Variants in SNRPD2 observed in about 807,000 individuals in gnomAD.
The protein encoded by SNRPD2 is small nuclear ribonucleoprotein Sm D2.
Under a neutral mutation model 11.5 loss-of-function variants are expected in SNRPD2, and 1 was observed. That is an observed-to-expected ratio of 0.09 (90% CI 0.03 to 0.41). The LOEUF is 0.41. Ranked by LOEUF, SNRPD2 falls within the 10% of genes least tolerant of loss-of-function variation. SNRPD2 has a pLI of 0.98. For missense variants in SNRPD2, 77 were observed against 154.9 expected, an observed-to-expected ratio of 0.50 and a Z score of 2.67; for synonymous variants, 63 against 61.5, an observed-to-expected ratio of 1.02 and a Z score of -0.12.
Position 45,691,904 on chromosome 19 carries a change from C to T in SNRPD2, c.-16G>A. ...GGCCTCACATGATGGTCACTACGCTCTCCGTTCACTCCCGTTTCCTCCGCG... is the reference window on the plus strand; with the variant it reads ...GGCCTCACATGATGGTCACTACGCTTTCCGTTCACTCCCGTTTCCTCCGCG... On this transcript the variant is annotated 5_prime_UTR_variant, in exon 1 of 3. Transcript: ENST00000342669. 3 of 1,614,194 alleles carry T rather than the reference C, an allele frequency of 1.9e-6. No individual in the cohort carries two copies. The highest frequency in any genetic ancestry group is 2.5e-6 in the Non-Finnish European group (3 of 1,180,022).
Position 45,687,796 on chromosome 19 carries a change from T to G in SNRPD2, c.183-69A>C. ...GCCTCTGACAGTGCCCCCTACTGCC[T>G]GCTGCTCGCCCCCTCCAGCAGCATG... On this transcript the variant is annotated intron_variant, in intron 2 of 2. Transcript: ENST00000342669. This position sits in a 1 kb window ranked among gnomAD's most constrained non-coding sequence, Gnocchi z 4.1. 1 of 1,290,804 alleles carries G rather than the reference T, an allele frequency of 7.7e-7. No homozygotes were observed. Among genetic ancestry groups the G allele is most frequent in the Non-Finnish European group, 1.1e-6 (1 of 900,754 alleles). 80.0% of individuals were successfully genotyped at this position (1,290,804 alleles called of 1,614,324 possible). A position where few individuals can be genotyped will look rare whatever the true frequency, so the allele number is the denominator to read the frequency against.
At chr19:45,691,566 C>G in intron 1 of SNRPD2, 1 of 280,386 alleles carries the variant, frequency 3.6e-6, no homozygotes. Flanking sequence ...AGACGGGGGT[C>G]TCGCTATGTT....
intron 1 of SNRPD2, 27 bp downstream of exon 1, chr19:45,691,860 C>T (rs766520398): frequency 1.1e-5 from 18 of 1,613,988 alleles, no homozygotes; most frequent in African/African-American, 4.0e-5. Context: ...ACCTCATTCC[C>T]GCCGCCTAAG....
Position 45,687,496 on chromosome 19 carries a change from A to G in SNRPD2, c.*57T>C. ...ACAGAGCTTTATTATTCTCAACACC[A>G]ATGGCAGCGGTCTTCATAGGACAGA... is the stretch of plus-strand genomic sequence containing the variant. On this transcript the variant is annotated 3_prime_UTR_variant, in exon 3 of 3. Transcript: ENST00000342669. The surrounding 1 kb of genome is among the most constrained non-coding windows in gnomAD (Gnocchi z 4.1). 2.7e-6 allele frequency: 4 copies of G among 1,476,250 alleles called. No homozygotes were observed. 91.4% of individuals were successfully genotyped at this position (1,476,250 alleles called of 1,614,324 possible).
At chr19:45,689,659 G>A (rs1396944250) in intron 1 of SNRPD2, among the ~76,000 whole-genome samples, 3 of 152,170 alleles carry the variant, frequency 2.0e-5, no homozygotes, top group Non-Finnish European at 4.4e-5. Flanking sequence ...TTGCAGTGAA[G>A]TGAGATCATG....
At chr19:45,690,853 AAG>A (rs1213186702) in intron 1 of SNRPD2, among the ~76,000 whole-genome samples, 1 of 151,984 alleles carries the variant, frequency 6.6e-6, no homozygotes, top group Non-Finnish European at 1.5e-5. Flanking sequence ...AAAAAAGAAA[AAG>A]AGAAAAAGAT....
chr19:45,692,021 C>T (rs774162255), upstream of SNRPD2: 142 of 1,601,494 alleles, frequency 8.9e-5, no homozygotes, highest in Non-Finnish European at 1.1e-4. Context: ...TAAGTGGAGG[C>T]GTGGCCTGTT....
chr19:45,688,073 G>A lies in SNRPD2; in HGVS notation c.182+314C>T, dbSNP rs771472949. On this transcript the variant is annotated intron_variant, in intron 2 of 2. Transcript: ENST00000342669. The surrounding 1 kb of genome is among the most constrained non-coding windows in gnomAD (Gnocchi z 4.1). ...GCGATTTCAGCTCACCACAACCTCCGCCTCCTGGGTTCAGGCTATTCTTGT... is the reference window on the plus strand; with the variant it reads ...GCGATTTCAGCTCACCACAACCTCCACCTCCTGGGTTCAGGCTATTCTTGT... 6.6e-6 allele frequency among the ~76,000 whole-genome samples: 1 copy of A among 152,166 alleles called. No homozygotes were observed. The highest frequency in any genetic ancestry group is 2.1e-4 in the South Asian group (1 of 4,832).
At position 45,691,943 on chromosome 19, in the gene SNRPD2, A is replaced by C; in HGVS notation, c.-55T>G. ...GTTTCCTCCGCGTTGCTGCTGCCTG[A>C]GGAGAGAGAGGCGGGACTTCCTCTT... On this transcript the variant is annotated 5_prime_UTR_variant, in exon 1 of 3. Coordinates refer to ENST00000342669, the MANE Select transcript of SNRPD2 (RefSeq NM_001384647.1). 1 of 1,613,868 alleles carries C rather than the reference A, an allele frequency of 6.2e-7. No individual in the cohort carries two copies. Among genetic ancestry groups the C allele is most frequent in the Admixed American group, 1.7e-5 (1 of 59,970 alleles).
At chr19:45,692,081 G>T, upstream of SNRPD2, 1 of 1,487,138 alleles carries the variant, frequency 6.7e-7, no homozygotes, top group Non-Finnish European at 9.0e-7. Flanking sequence ...AAAAGCTTCG[G>T]GTAGGGGTTC....
Position 45,691,945 on chromosome 19 carries a change from G to C in SNRPD2, c.-57C>G. The C allele has an allele frequency of 6.2e-7, 1 of 1,613,930 alleles. No individual in the cohort carries two copies. Among genetic ancestry groups the C allele is most frequent in the East Asian group, 2.2e-5 (1 of 44,874 alleles). ...TTCCTCCGCGTTGCTGCTGCCTGAG[G>C]AGAGAGAGGCGGGACTTCCTCTTCC... is the stretch of plus-strand genomic sequence containing the variant. On this transcript the variant is annotated 5_prime_UTR_variant, in exon 1 of 3. Coordinates refer to ENST00000342669, the MANE Select transcript of SNRPD2 (RefSeq NM_001384647.1).
chr19:45,687,561 C>T lies in SNRPD2; in HGVS notation c.349G>A (p.Gly117Ser), dbSNP rs138898366. 1.9e-5 allele frequency: 31 copies of T among 1,613,942 alleles called. No homozygotes were observed. In the African/African-American group the frequency reaches 2.0e-4, roughly 10 times the overall value. Residue 117 changes from glycine to serine, a missense_variant, in exon 3 of 3, where the codon GGC becomes AGC. Coordinates refer to ENST00000342669, the MANE Select transcript of SNRPD2 (RefSeq NM_001384647.1). This position sits in a 1 kb window ranked among gnomAD's most constrained non-coding sequence, Gnocchi z 4.1. ...IVVLRNPLIA[G>S]K ...CAACAGACAGGCGGCCCCTACTTGC[C>T]GGCGATGAGCGGGTTCCGCAGGACC...
intron 1 of SNRPD2, 25 bp downstream of exon 1, chr19:45,691,862 C>T: frequency 6.2e-7 from 1 of 1,614,150 alleles, no homozygotes. Flanking sequence ...CTCATTCCCG[C>T]CGCCTAAGCC....
rs1224735997 is a variant in SNRPD2, at chr19:45,687,498, T to C, written c.*55A>G. On this transcript the variant is annotated 3_prime_UTR_variant, in exon 3 of 3. Coordinates refer to ENST00000342669, the MANE Select transcript of SNRPD2 (RefSeq NM_001384647.1). The surrounding 1 kb of genome is among the most constrained non-coding windows in gnomAD (Gnocchi z 4.1). ...AGAGCTTTATTATTCTCAACACCAATGGCAGCGGTCTTCATAGGACAGAGG... is the reference window on the plus strand; with the variant it reads ...AGAGCTTTATTATTCTCAACACCAACGGCAGCGGTCTTCATAGGACAGAGG... 7 of 1,490,824 alleles carry C rather than the reference T, an allele frequency of 4.7e-6. No individual in the cohort carries two copies. The highest frequency in any genetic ancestry group is 6.5e-6 in the Non-Finnish European group (7 of 1,072,962). 92.3% of individuals were successfully genotyped at this position (1,490,824 alleles called of 1,614,324 possible). A position where few individuals can be genotyped will look rare whatever the true frequency, so the allele number is the denominator to read the frequency against.
rs748321827 is a variant in SNRPD2 at position 45,687,730 on chromosome 19, G to A, written c.183-3C>T. On this transcript the variant is annotated splice_region_variant and splice_polypyrimidine_tract_variant and intron_variant, in intron 2 of 2. Transcript: ENST00000342669. The surrounding 1 kb of genome is among the most constrained non-coding windows in gnomAD (Gnocchi z 4.1). ...TCTCCAGCACCATGTTGCAGTGCCT[G>A]GTGGGGAACAGGGAGGGGAGGCACT... is the stretch of plus-strand genomic sequence containing the variant. The A allele has an allele frequency of 1.6e-5, 26 of 1,612,882 alleles. 1 individual carries two copies. Among genetic ancestry groups the A allele is most frequent in the South Asian group, 1.2e-4 (11 of 91,036 alleles).
At chr19:45,692,223 CCCGCCGG>C (rs1967580796), upstream of SNRPD2, 1 of 408,666 alleles carries the variant, frequency 2.4e-6, no homozygotes, top group South Asian at 3.1e-5. Context: ...TTTCCAAATG[CCCGCCGG>C]CCGTGACTTC....
At position 45,688,892 on chromosome 19, in the gene SNRPD2, C is replaced by T. The variant is rs1967472468; in HGVS notation, c.3-326G>A. 6.6e-6 allele frequency among the ~76,000 whole-genome samples: 1 copy of T among 152,104 alleles called. No individual in the cohort carries two copies. The highest frequency in any genetic ancestry group is 1.5e-5 in the Non-Finnish European group (1 of 68,018). ...GGACTACAGGCATGCACCACCTCCACGCCCAGCTAATTTTTGTATTTTAGT... is the reference window on the plus strand; with the variant it reads ...GGACTACAGGCATGCACCACCTCCATGCCCAGCTAATTTTTGTATTTTAGT... On this transcript the variant is annotated intron_variant, in intron 1 of 2. Transcript: ENST00000342669. The surrounding 1 kb of genome is among the most constrained non-coding windows in gnomAD (Gnocchi z 4.1).
At chr19:45,692,176 A>G, upstream of SNRPD2, 1 of 587,358 alleles carries the variant, frequency 1.7e-6, no homozygotes, top group Non-Finnish European at 2.9e-6. Context: ...CGTTTCTTGA[A>G]GAATGGTACA....
intron 1 of SNRPD2, among the ~76,000 whole-genome samples, chr19:45,690,200 G>A (rs1361322164): frequency 2.4e-4 from 36 of 150,570 alleles, no homozygotes; most frequent in African/African-American, 8.8e-4. Context: ...GCGAGGTGGC[G>A]GGCGCCTGTA....
Sources: gnomAD v4.1 joint callset for allele counts (sites outside exome capture counted in the v4.1 genomes callset) on GRCh38, gnomAD v4.1.1 for gene constraint, Gnocchi (gnomAD v3.1) non-coding constraint, MANE v1.5 for transcripts, NCBI Gene and HGNC (gene_info 2026-07-23, HGNC 2026-07-21) for gene names.